CNTN6: variants seen among roughly 807,000 people sequenced by gnomAD.
The protein encoded by CNTN6 is contactin 6, also known as contactin-6.
CNTN6 carries 137 observed loss-of-function variants against 122.8 expected under a neutral mutation model. That is an observed-to-expected ratio of 1.12 (90% CI 0.97 to 1.29). The LOEUF (loss-of-function observed/expected upper bound fraction) is 1.29, where lower values mean the gene tolerates loss of function less well. Among genes scored for constraint, CNTN6 ranks in the 50% most tolerant of loss-of-function variants. The pLI is 0.00. For synonymous variants in CNTN6, 570 were observed against 426.0 expected (o/e 1.34, Z -4.16); for missense variants, 1,634 against 1,223.4 (o/e 1.34, Z -5.01).
intron 20 of CNTN6, among the ~76,000 whole-genome samples, chr3:1,400,215 T>C (rs1183314769): frequency 1.3e-5 from 2 of 152,136 alleles, no homozygotes; most frequent in Non-Finnish European, 2.9e-5. Context: ...TTATCTTTAC[T>C]TCCACTTTCC....
Position 1,297,992 on chromosome 3 carries a change from G to A in CNTN6, c.761+1G>A. ...AACTGGAATGTTTTGCCCTTGGAAA[G>A]TAAGGTTTTTGTTTTTGTTTTTGTT... On this transcript the variant is annotated splice_donor_variant, in intron 7 of 22. Transcript: ENST00000446702. LOFTEE classifies it high-confidence loss of function. 6.4e-7 allele frequency: 1 copy of A among 1,558,784 alleles called. No homozygotes were observed. Among genetic ancestry groups the A allele is most frequent in the Non-Finnish European group, 8.6e-7 (1 of 1,164,942 alleles).
chr3:1,183,279 AC>A (rs2093583806), intron 2 of CNTN6, among the ~76,000 whole-genome samples: 1 of 152,146 alleles, frequency 6.6e-6, no homozygotes, highest in Admixed American at 6.5e-5. Context: ...CATGGTTCAA[AC>A]TCTTCTATGA....
chr3:1,195,455 C>T (rs2093762839), intron 2 of CNTN6, among the ~76,000 whole-genome samples: 2 of 152,112 alleles, frequency 1.3e-5, no homozygotes, highest in African/African-American at 4.8e-5. Context: ...TATGAATAAT[C>T]TTGAGAGATA....
intron 12 of CNTN6, among the ~76,000 whole-genome samples, chr3:1,365,789 A>T (rs1350001259): frequency 6.6e-6 from 1 of 152,158 alleles, no homozygotes; most frequent in Admixed American, 6.6e-5. Context: ...TTAAGAAATG[A>T]TAAAAGTGGA....
chr3:1,397,132 A>G (rs1695086138), intron 20 of CNTN6, among the ~76,000 whole-genome samples: 1 of 152,210 alleles, frequency 6.6e-6, no homozygotes, highest in South Asian at 2.1e-4. Context: ...GCCTAGAGTT[A>G]GATGCTGAGG....
intron 12 of CNTN6, among the ~76,000 whole-genome samples, chr3:1,365,285 T>G (rs1360749108): frequency 2.6e-5 from 4 of 152,072 alleles, no homozygotes; most frequent in African/African-American, 9.7e-5. Context: ...TATATCAGAA[T>G]GTATCTTTAA....
At chr3:1,333,770 A>C (rs1385269864) in intron 11 of CNTN6, among the ~76,000 whole-genome samples, 1 of 152,070 alleles carries the variant, frequency 6.6e-6, no homozygotes, top group African/African-American at 2.4e-5. Flanking sequence ...ATATTTTGAC[A>C]ATTTCTTCTA....
intron 4 of CNTN6, among the ~76,000 whole-genome samples, chr3:1,246,102 A>G (rs1232784819): frequency 6.6e-6 from 1 of 152,146 alleles, no homozygotes; most frequent in Non-Finnish European, 1.5e-5. Flanking sequence ...AGTACAAAAA[A>G]CATGAGCAGA....
At chr3:1,192,152 G>T (rs1008649180) in intron 2 of CNTN6, among the ~76,000 whole-genome samples, 45 of 152,088 alleles carry the variant, frequency 3.0e-4, no homozygotes, top group African/African-American at 1.0e-3. Flanking sequence ...AGCTCATCTA[G>T]TGGATAACAA....
Position 1,222,548 on chromosome 3 carries a change from G to C in CNTN6, c.182+1735G>C, listed in dbSNP as rs551146811. Among the ~76,000 whole-genome samples, 252 of 141,372 alleles carry C rather than the reference G, an allele frequency of 1.8e-3. 2 individuals are homozygous for C. The highest frequency in any genetic ancestry group is 0.011 in the Admixed American group (151 of 14,100). 92.7% of individuals were successfully genotyped at this position (141,372 alleles called of 152,430 possible). ...ATAAAATAGGTTCTCAAGATAATTT[G>C]CTAATTAGTTTTATCTGTGAAAAAA... On this transcript the variant is annotated intron_variant, in intron 3 of 22. Transcript: ENST00000446702.
chr3:1,214,164 A>G (rs536603989), intron 2 of CNTN6, among the ~76,000 whole-genome samples: 4 of 152,138 alleles, frequency 2.6e-5, no homozygotes, highest in Non-Finnish European at 5.9e-5. Context: ...CAAGATCTGC[A>G]TATTGATTCA....
chr3:1,179,395 G>A (rs924530991), intron 2 of CNTN6, among the ~76,000 whole-genome samples: 1 of 152,102 alleles, frequency 6.6e-6, no homozygotes, highest in African/African-American at 2.4e-5. Flanking sequence ...ACTGTTAGAT[G>A]TCACTGGAGG....
At chr3:1,297,620 C>T (rs565860822) in intron 6 of CNTN6, among the ~76,000 whole-genome samples, 9 of 148,204 alleles carry the variant, frequency 6.1e-5, no homozygotes, top group East Asian at 2.0e-4. Context: ...GAAAACATCC[C>T]GTTGTTGTTG....
rs202086606 is a variant in CNTN6 at position 1,220,761 on chromosome 3, T to C, written c.130T>C (p.Ser44Pro). 86 of 1,613,074 alleles carry C rather than the reference T, an allele frequency of 5.3e-5. No homozygotes were observed. In the Admixed American group the frequency reaches 1.0e-3, roughly 19 times the overall value. The part of the protein sequence containing the change: ...DVIFPLDLSK[S>P]EVILNCAANG... ...CATTTTTCCTTTGGATTTATCAAAA[T>C]CTGAGGTCATCCTGAATTGTGCTGC... Residue 44 changes from serine to proline, a missense_variant, in exon 3 of 23, where the codon TCT (serine) becomes CCT (proline). Physicochemically the swap from Ser to Pro is moderately conservative, Grantham distance 74 (BLOSUM62 -1). Coordinates refer to ENST00000446702, the MANE Select transcript of CNTN6 (RefSeq NM_001289080.2).
chr3:1,277,341 G>GTTTTT (rs1559684658), intron 4 of CNTN6, among the ~76,000 whole-genome samples: 1 of 66,106 alleles, frequency 1.5e-5, no homozygotes, highest in Non-Finnish European at 2.8e-5. Flanking sequence ...CTTTTAGTAG[G>GTTTTT]TTTTCTTTTT....
chr3:1,296,177 G>A (rs527553426), intron 6 of CNTN6, among the ~76,000 whole-genome samples: 2 of 152,244 alleles, frequency 1.3e-5, no homozygotes, highest in South Asian at 4.1e-4. Context: ...ATATGTTGCA[G>A]CTACTTTTTA....
chr3:1,285,029 T>A (rs983685755), intron 5 of CNTN6, among the ~76,000 whole-genome samples: 8 of 152,184 alleles, frequency 5.3e-5, no homozygotes, highest in African/African-American at 1.7e-4. Flanking sequence ...TGACATGCTT[T>A]CTCTGACTTT....
intron 11 of CNTN6, among the ~76,000 whole-genome samples, chr3:1,342,827 C>T (rs1489198100): frequency 6.6e-6 from 1 of 152,108 alleles, no homozygotes; most frequent in Non-Finnish European, 1.5e-5. Context: ...GTTTTATACA[C>T]CAAGTCTTAT....
In CNTN6 at chr3:1,403,565, T is replaced by C. The variant is rs1316819013; in HGVS notation, c.*147T>C. 1.5e-5 allele frequency: 7 copies of C among 467,550 alleles called. No homozygotes were observed. The highest frequency in any genetic ancestry group is 1.2e-4 in the African/African-American group (6 of 50,052). The allele number at this position is 467,550 out of a possible 1,614,324, so 29.0% of individuals were successfully genotyped here. A position where few individuals can be genotyped will look rare whatever the true frequency, so the allele number is the denominator to read the frequency against. On this transcript the variant is annotated 3_prime_UTR_variant, in exon 23 of 23. Coordinates refer to ENST00000446702, the MANE Select transcript of CNTN6 (RefSeq NM_001289080.2). ...ATATTATTAAAATCCTGTAAATATC[T>C]ATGGTATATTAATAAAACAATTTTA...
Sources: gnomAD v4.1 joint callset for allele counts (sites outside exome capture counted in the v4.1 genomes callset) on GRCh38, gnomAD v4.1.1 for gene constraint, MANE v1.5 for transcripts, NCBI Gene and HGNC (gene_info 2026-07-23, HGNC 2026-07-21) for gene names.